PPP2R2B: variants seen among roughly 807,000 people sequenced by gnomAD.
The protein encoded by PPP2R2B is protein phosphatase 2 regulatory subunit Bbeta, also known as serine/threonine-protein phosphatase 2A 55 kDa regulatory subunit B beta isoform.
A neutral mutation model predicts 46.0 loss-of-function variants in PPP2R2B; 5 were observed. That is an observed-to-expected ratio of 0.11 (90% confidence interval 0.06 to 0.23). The LOEUF is 0.23. Among genes scored for constraint, PPP2R2B ranks in the 10% least tolerant of loss-of-function variants. The probability of loss-of-function intolerance (pLI) is 1.00; values close to 1 mark genes in which losing one functional copy is unlikely to be tolerated. For synonymous variants in PPP2R2B, 215 were observed against 206.7 expected, an observed-to-expected ratio of 1.04 and a Z score of -0.34; for missense variants, 367 against 575.0, an observed-to-expected ratio of 0.64 and a Z score of 3.70.
rs979167921 is a variant in PPP2R2B, at chr5:147,014,054, C to A, written c.79+41611G>T. On this transcript the variant is annotated intron_variant, in intron 1 of 8. Coordinates refer to the PPP2R2B transcript ENST00000336640. ...AAATTTACAAGAAAAAAACAAACAA[C>A]CCCATCAAAAAGTGGGCAAAGGACA... Among the ~76,000 whole-genome samples the A allele has an allele frequency of 5.6e-4, 70 of 125,342 alleles. No homozygotes were observed. The South Asian group carries it at 0.014, about 25-fold the overall frequency. The allele number at this position is 125,342 out of a possible 152,430, so 82.2% of individuals were successfully genotyped here. A position where few individuals can be genotyped will look rare whatever the true frequency, so the allele number is the denominator to read the frequency against.
At chr5:146,695,787 TTC>T (rs1779142259) in intron 4 of PPP2R2B, among the ~76,000 whole-genome samples, 1 of 152,218 alleles carries the variant, frequency 6.6e-6, no homozygotes, top group South Asian at 2.1e-4. Context: ...TATCTTCATT[TTC>T]TCTTTTGTAC....
intron 2 of PPP2R2B, among the ~76,000 whole-genome samples, chr5:147,062,590 C>G (rs1022697451): frequency 2.3e-4 from 35 of 152,086 alleles, no homozygotes; most frequent in African/African-American, 8.5e-4. Flanking sequence ...CATTCCAGTA[C>G]AGGCTTTCCG....
chr5:146,842,019 A>T (rs1034562686), intron 2 of PPP2R2B, among the ~76,000 whole-genome samples: 3 of 152,172 alleles, frequency 2.0e-5, no homozygotes, highest in Non-Finnish European at 4.4e-5. Context: ...AGAGGTGAGT[A>T]CTCTGAGACA....
intron 1 of PPP2R2B, among the ~76,000 whole-genome samples, chr5:147,010,026 G>C (rs1329678537): frequency 6.6e-6 from 1 of 152,052 alleles, no homozygotes; most frequent in African/African-American, 2.4e-5. Flanking sequence ...TCTTAATCAA[G>C]AGCAAAGTGA....
intron 2 of PPP2R2B, among the ~76,000 whole-genome samples, chr5:146,762,289 G>A (rs1754214651): frequency 6.6e-6 from 1 of 152,120 alleles, no homozygotes; most frequent in African/African-American, 2.4e-5. Context: ...GGACTCAATG[G>A]GAAGACTACA....
intron 1 of PPP2R2B, among the ~76,000 whole-genome samples, chr5:146,995,780 A>G (rs568991891): frequency 6.6e-6 from 1 of 152,316 alleles, no homozygotes; most frequent in South Asian, 2.1e-4. Context: ...AATGTCAGGA[A>G]TCATGAGCAA....
At chr5:146,915,896 A>C (rs551927264) in intron 1 of PPP2R2B, among the ~76,000 whole-genome samples, 1 of 152,168 alleles carries the variant, frequency 6.6e-6, no homozygotes, top group East Asian at 1.9e-4. Flanking sequence ...CTTTTTTGCA[A>C]TGAAACTCTT....
At chr5:146,634,240 A>G (rs322494) in intron 7 of PPP2R2B, among the ~76,000 whole-genome samples, 31,534 of 152,186 alleles carry the variant, frequency 0.21, 4,730 homozygotes, top group African/African-American at 0.42. Context: ...CTCCTCTGCC[A>G]GACTGCCTTC....
At chr5:146,801,279 A>G (rs1414741173) in intron 2 of PPP2R2B, among the ~76,000 whole-genome samples, 2 of 152,182 alleles carry the variant, frequency 1.3e-5, no homozygotes, top group Non-Finnish European at 2.9e-5. Context: ...AGTTAACATT[A>G]TTGTATTGTA....
At chr5:146,691,381 G>T in intron 4 of PPP2R2B, 141 bp from the exon 5 acceptor site, 1 of 620,560 alleles carries the variant, frequency 1.6e-6, no homozygotes, top group Non-Finnish European at 2.8e-6. Flanking sequence ...CGTTTGGCGT[G>T]CATAAATCCC....
intron 2 of PPP2R2B, among the ~76,000 whole-genome samples, chr5:147,076,778 G>A (rs1447524799): frequency 3.3e-5 from 5 of 152,020 alleles, no homozygotes; most frequent in Non-Finnish European, 7.4e-5. Context: ...GCCATGCTCT[G>A]TCTCCTCTTC....
chr5:146,861,669 A>G (rs319234), intron 2 of PPP2R2B, among the ~76,000 whole-genome samples: 73,340 of 152,050 alleles, frequency 0.48, 19,314 homozygotes, highest in East Asian at 0.72. Context: ...ATACATTATA[A>G]ACAATATAAA....
intron 5 of PPP2R2B, among the ~76,000 whole-genome samples, chr5:146,677,776 C>T (rs567693836): frequency 2.2e-4 from 33 of 152,250 alleles, no homozygotes; most frequent in African/African-American, 7.9e-4. Context: ...GATCCACCCA[C>T]CCCAGCCTCC....
At chr5:146,728,077 T>C (rs909436470) in intron 2 of PPP2R2B, among the ~76,000 whole-genome samples, 1 of 151,452 alleles carries the variant, frequency 6.6e-6, no homozygotes, top group Non-Finnish European at 1.5e-5. Flanking sequence ...TACCACAAAG[T>C]AACTCACTCA....
chr5:146,885,301 A>G (rs1762286754), intron 1 of PPP2R2B, among the ~76,000 whole-genome samples: 1 of 152,166 alleles, frequency 6.6e-6, no homozygotes, highest in South Asian at 2.1e-4. Flanking sequence ...TCTACAGCCC[A>G]TGCTCTTAAC....
intron 1 of PPP2R2B, among the ~76,000 whole-genome samples, chr5:146,959,163 T>A (rs989542659): frequency 6.6e-6 from 1 of 152,192 alleles, no homozygotes; most frequent in Non-Finnish European, 1.5e-5. Context: ...AAGTCTAAAG[T>A]CTTTGCCTTC....
chr5:146,869,187 A>T (rs1458808437), intron 2 of PPP2R2B, among the ~76,000 whole-genome samples: 2 of 152,218 alleles, frequency 1.3e-5, no homozygotes, highest in Non-Finnish European at 2.9e-5. Context: ...TCTTGGTTTA[A>T]ATGACTGATC....
chr5:146,821,911 C>T (rs955947648), intron 2 of PPP2R2B, among the ~76,000 whole-genome samples: 2 of 152,148 alleles, frequency 1.3e-5, no homozygotes, highest in Non-Finnish European at 2.9e-5. Context: ...TACTAATATT[C>T]ATATTCACAT....
intron 6 of PPP2R2B, among the ~76,000 whole-genome samples, chr5:146,649,982 CTG>C (rs1402681430): frequency 3.9e-5 from 6 of 152,106 alleles, no homozygotes; most frequent in African/African-American, 1.4e-4. Flanking sequence ...TTTTATCAAA[CTG>C]TACAATTATA....
Sources: gnomAD v4.1 joint callset for allele counts (sites outside exome capture counted in the v4.1 genomes callset) on GRCh38, gnomAD v4.1.1 for gene constraint, MANE v1.5 for transcripts, NCBI Gene and HGNC (gene_info 2026-07-23, HGNC 2026-07-21) for gene names.